The following WRN variants were observed in gnomAD, a reference collection of about 807,000 sequenced individuals.
The protein encoded by WRN is bifunctional 3'-5' exonuclease/ATP-dependent helicase WRN.
WRN carries 149 observed loss-of-function variants against 180.7 expected under a neutral mutation model. The ratio of observed to expected loss-of-function variants is 0.82; its 90% CI spans 0.72 to 0.94. WRN has a LOEUF of 0.94. WRN is among the 40% of genes least tolerant of loss of function. The probability of loss-of-function intolerance (pLI) is 0.00; values close to 1 mark genes in which losing one functional copy is unlikely to be tolerated. For missense variants in WRN, 1,661 were observed against 1,700.1 expected, an observed-to-expected ratio of 0.98 and a Z score of 0.40; for synonymous variants, 548 against 568.9, an observed-to-expected ratio of 0.96 and a Z score of 0.52.
In WRN at chr8:31,076,332, TA is replaced by T. The variant is rs199946539; in HGVS notation, c.839+46del. Reference sequence around the variant, plus strand: ...TTTTTTAACTTAAATCAATTCTGTTTATTTTTTTATCACATTTTCCTATATG... The same window carrying T: ...TTTTTTAACTTAAATCAATTCTGTTTTTTTTTTATCACATTTTCCTATATG... On this transcript the variant is annotated intron_variant, in intron 8 of 34. Coordinates refer to ENST00000298139, the MANE Select transcript of WRN (RefSeq NM_000553.6). The T allele has an allele frequency of 9.9e-3, 14,734 of 1,488,280 alleles. 296 individuals are homozygous for T. Among genetic ancestry groups the T allele is most frequent in the East Asian group, 0.094 (3,938 of 41,732 alleles). The allele number at this position is 1,488,280 out of a possible 1,614,324, so 92.2% of individuals were successfully genotyped here. A position where few individuals can be genotyped will look rare whatever the true frequency, so the allele number is the denominator to read the frequency against.
chr8:31,114,182 ATCT>A (rs1233393228), intron 19 of WRN, among the ~76,000 whole-genome samples: 1 of 152,156 alleles, frequency 6.6e-6, no homozygotes, highest in East Asian at 1.9e-4. Context: ...CGTTATTTCC[ATCT>A]TCTTCCCTTC....
chr8:31,094,020 G>A (rs1239354950), intron 16 of WRN, among the ~76,000 whole-genome samples: 1 of 152,082 alleles, frequency 6.6e-6, no homozygotes, highest in South Asian at 2.1e-4. Flanking sequence ...CATTTGGATC[G>A]TTTCCAGTTT....
intron 31 of WRN, among the ~76,000 whole-genome samples, chr8:31,153,266 C>G (rs1803213175): frequency 6.6e-6 from 1 of 152,116 alleles, no homozygotes; most frequent in Non-Finnish European, 1.5e-5. Flanking sequence ...TCCCCAAAAC[C>G]CAACTACCCT....
At chr8:31,127,255 T>A (rs902716761) in intron 23 of WRN, among the ~76,000 whole-genome samples, 16 of 152,032 alleles carry the variant, frequency 1.1e-4, no homozygotes, top group Admixed American at 1.3e-4. Flanking sequence ...TTATTAGAGA[T>A]TGGGGGAGGG....
intron 17 of WRN, among the ~76,000 whole-genome samples, chr8:31,100,228 T>A (rs1359733235): frequency 6.6e-6 from 1 of 152,222 alleles, no homozygotes; most frequent in Non-Finnish European, 1.5e-5. Flanking sequence ...TCAATGTTTG[T>A]GTCTGGTATG....
At chr8:31,164,940 G>A (rs1391953503) in intron 33 of WRN, among the ~76,000 whole-genome samples, 1 of 152,022 alleles carries the variant, frequency 6.6e-6, no homozygotes, top group Admixed American at 6.6e-5. Flanking sequence ...AACGCAGGAT[G>A]AATTTACCAT....
chr8:31,040,810 C>A (rs909721675), intron 1 of WRN, among the ~76,000 whole-genome samples: 4 of 151,950 alleles, frequency 2.6e-5, no homozygotes, highest in African/African-American at 9.7e-5. Context: ...GAGCAGTTAG[C>A]CAAAAGTTGA....
intron 1 of WRN, among the ~76,000 whole-genome samples, chr8:31,050,189 A>G (rs1055536812): frequency 1.3e-5 from 2 of 152,154 alleles, no homozygotes; most frequent in Non-Finnish European, 2.9e-5. Context: ...AGAGAGATGC[A>G]AAGATAAATA....
At chr8:31,153,512 G>T (rs1409980995) in intron 31 of WRN, among the ~76,000 whole-genome samples, 8 of 152,142 alleles carry the variant, frequency 5.3e-5, no homozygotes, top group Non-Finnish European at 1.0e-4. Context: ...CCCACCGTAT[G>T]CTCAGAACAT....
chr8:31,040,288 A>G (rs750271318), intron 1 of WRN, among the ~76,000 whole-genome samples: 11 of 152,228 alleles, frequency 7.2e-5, no homozygotes, highest in Non-Finnish European at 1.0e-4. Context: ...TGGCTATCAA[A>G]GTTTGAAGTT....
At chr8:31,146,667 C>T (rs537930355) in intron 28 of WRN, among the ~76,000 whole-genome samples, 1 of 152,254 alleles carries the variant, frequency 6.6e-6, no homozygotes, top group East Asian at 1.9e-4. Context: ...CATTGTTTCC[C>T]AGTAGGTTAA....
At position 31,096,779 on chromosome 8, in the gene WRN, G is replaced by T. The variant is rs1287408422; in HGVS notation, c.1910G>T (p.Arg637Leu). The T allele has an allele frequency of 6.2e-6, 10 of 1,608,132 alleles. No individual in the cohort carries two copies. In the African/African-American group the frequency reaches 1.1e-4, roughly 17 times the overall value. The change falls in exon 17 of 35, where the codon CGG becomes CTG. Residue 637 changes from arginine (R) to leucine (L), a missense_variant. Physicochemically the swap from Arg to Leu is moderately radical, Grantham distance 102 (BLOSUM62 -2). This residue lies in a region of WRN where 1,141 missense variants were observed against 1,149.4 expected (regional missense o/e 0.99). Coordinates refer to ENST00000298139, the MANE Select transcript of WRN (RefSeq NM_000553.6). Reference sequence around the variant, plus strand: ...GTTTGTTTTTACAGAGGTAAATACCGGATTGTATACGTAACTCCAGAATAC... The same window carrying T: ...GTTTGTTTTTACAGAGGTAAATACCTGATTGTATACGTAACTCCAGAATAC... ...VLTDIKLGKYRIVYVTPEYCS... is the reference protein window; with the variant it reads ...VLTDIKLGKYLIVYVTPEYCS...
At chr8:31,128,143 G>A (rs1473243402) in intron 23 of WRN, among the ~76,000 whole-genome samples, 2 of 151,754 alleles carry the variant, frequency 1.3e-5, no homozygotes, top group Admixed American at 1.3e-4. Context: ...CGACAGAAGA[G>A]GTGGAGAAAT....
At chr8:31,170,607 G>C (rs2130523825) in intron 34 of WRN, among the ~76,000 whole-genome samples, 1 of 152,248 alleles carries the variant, frequency 6.6e-6, no homozygotes, top group East Asian at 1.9e-4. Flanking sequence ...CATATAATCA[G>C]CAAATGAGTT....
chr8:31,149,483 T>G (rs1250100223), intron 30 of WRN, among the ~76,000 whole-genome samples: 11 of 56,446 alleles, frequency 1.9e-4, no homozygotes, highest in East Asian at 7.3e-4. Context: ...TTTTTTTTTT[T>G]TTTTTTTTGG....
intron 23 of WRN, among the ~76,000 whole-genome samples, chr8:31,128,250 C>T (rs549253428): frequency 6.6e-6 from 1 of 151,976 alleles, no homozygotes; most frequent in East Asian, 1.9e-4. Flanking sequence ...AAAATTTGGT[C>T]AACATAGTAA....
chr8:31,046,530 T>C, intron 1 of WRN, among the ~76,000 whole-genome samples: 1 of 152,224 alleles, frequency 6.6e-6, no homozygotes, highest in African/African-American at 2.4e-5. Context: ...TGAGCCTACT[T>C]CAAGCCTCTG....
intron 1 of WRN, among the ~76,000 whole-genome samples, chr8:31,057,379 G>A (rs1364683129): frequency 6.6e-6 from 1 of 151,968 alleles, no homozygotes; most frequent in Non-Finnish European, 1.5e-5. Flanking sequence ...GACCATCCTG[G>A]CTAACATGGT....
At position 31,076,219 on chromosome 8, in the gene WRN, C is replaced by T; in HGVS notation, c.771C>T (p.Ile257=). The part of the protein sequence containing the change: ...LSDMNKQLTS[I]SEEVMDLAKH... ...ACATGAACAAACAGTTGACTTCAAT[C>T]TCTGAGGAAGTGATGGATCTGGCTA... Residue 257 remains isoleucine (I), a synonymous_variant, in exon 8 of 35, where the codon ATC becomes ATT. Transcript: ENST00000298139. 6.2e-7 allele frequency: 1 copy of T among 1,613,850 alleles called. No homozygotes were observed. Among genetic ancestry groups the T allele is most frequent in the Non-Finnish European group, 8.5e-7 (1 of 1,179,940 alleles).
Sources: gnomAD v4.1 joint callset for allele counts (sites outside exome capture counted in the v4.1 genomes callset) on GRCh38, gnomAD v4.1.1 for gene constraint, gnomAD v4.1.1 regional missense constraint, MANE v1.5 for transcripts, NCBI Gene and HGNC (gene_info 2026-07-23, HGNC 2026-07-21) for gene names.